PHACTR2: variants seen among roughly 807,000 people sequenced by gnomAD.
PHACTR2 encodes phosphatase and actin regulator 2.
Under a neutral mutation model 76.0 loss-of-function variants are expected in PHACTR2, and 30 were observed. That is an observed-to-expected ratio of 0.39 (90% CI 0.30 to 0.54). The LOEUF is 0.54. PHACTR2 is among the 20% of genes least tolerant of loss of function. The pLI is 0.61. For synonymous variants in PHACTR2, 292 were observed against 292.5 expected, an observed-to-expected ratio of 1.00 and a Z score of 0.02; for missense variants, 696 against 781.1, an observed-to-expected ratio of 0.89 and a Z score of 1.30.
In PHACTR2 at chr6:143,739,328, G is replaced by A. The variant is rs146501247; in HGVS notation, c.215-9657G>A. The stretch of plus-strand genomic sequence containing the variant: ...TCCACCAGCCTCGGCATCCCAAAGT[G>A]CTGGGATTACAGGTGTGAGCCACCG... On this transcript the variant is annotated intron_variant, in intron 2 of 12. Coordinates refer to ENST00000440869, the MANE Select transcript of PHACTR2 (RefSeq NM_001100164.2). The surrounding 1 kb of genome is among the most constrained non-coding windows in gnomAD (Gnocchi z 4.3). Among the ~76,000 whole-genome samples, 2 of 152,310 alleles carry A rather than the reference G, an allele frequency of 1.3e-5. No homozygotes were observed. The highest frequency in any genetic ancestry group is 4.8e-5 in the African/African-American group (2 of 41,562).
intron 2 of PHACTR2, among the ~76,000 whole-genome samples, chr6:143,734,683 G>A (rs755056998): frequency 3.3e-5 from 5 of 152,156 alleles, no homozygotes; most frequent in Non-Finnish European, 5.9e-5. Context: ...GGGGGATGTG[G>A]AGAAAAGGAG....
chr6:143,544,321 C>T (rs976762922), intron 1 of PHACTR2, among the ~76,000 whole-genome samples: 2 of 151,888 alleles, frequency 1.3e-5, no homozygotes, highest in African/African-American at 4.8e-5. Flanking sequence ...GTTAGGCTTT[C>T]CTCTTGTTAA....
At position 143,700,236 on chromosome 6, in the gene PHACTR2, C is replaced by T. The variant is rs995128310; in HGVS notation, c.47-11780C>T. Among the ~76,000 whole-genome samples the T allele has an allele frequency of 6.6e-6, 1 of 152,044 alleles. No individual in the cohort carries two copies. The highest frequency in any genetic ancestry group is 1.5e-5 in the Non-Finnish European group (1 of 68,008). On this transcript the variant is annotated intron_variant, in intron 1 of 12. Transcript: ENST00000440869. The surrounding 1 kb of genome is among the most constrained non-coding windows in gnomAD (Gnocchi z 4.1). ...AATTTTTTCATAATTTTGTCTGAAACAAAATTTAGCCCCTTACTTAAAAAC... is the reference window on the plus strand; with the variant it reads ...AATTTTTTCATAATTTTGTCTGAAATAAAATTTAGCCCCTTACTTAAAAAC...
chr6:143,751,947 G>T lies in PHACTR2; in HGVS notation c.296-1807G>T, dbSNP rs1779191873. On this transcript the variant is annotated intron_variant, in intron 3 of 12. Coordinates refer to ENST00000440869, the MANE Select transcript of PHACTR2 (RefSeq NM_001100164.2). This position sits in a 1 kb window ranked among gnomAD's most constrained non-coding sequence, Gnocchi z 5.7. ...TTTACTTCCCCTCTGTTTTGTTCTT[G>T]AATTCCATATTTATCACAAATGTGT... 6.6e-6 allele frequency among the ~76,000 whole-genome samples: 1 copy of T among 151,894 alleles called. No individual in the cohort carries two copies. The highest frequency in any genetic ancestry group is 1.5e-5 in the Non-Finnish European group (1 of 67,956).
rs771978305 is a variant in PHACTR2 at position 143,580,508 on chromosome 6, CAAAA to C, written c.217+43304_217+43307del. 1.3e-5 allele frequency among the ~76,000 whole-genome samples: 1 copy of C among 74,552 alleles called. No homozygotes were observed. The highest frequency in any genetic ancestry group is 2.7e-5 in the Non-Finnish European group (1 of 36,472). The allele number at this position is 74,552 out of a possible 152,430, so 48.9% of individuals were successfully genotyped here. A position where few individuals can be genotyped will look rare whatever the true frequency, so the allele number is the denominator to read the frequency against. On this transcript the variant is annotated intron_variant, in intron 1 of 11. Transcript: ENST00000367584. The surrounding 1 kb of genome is among the most constrained non-coding windows in gnomAD (Gnocchi z 4.2). The stretch of plus-strand genomic sequence containing the variant: ...TCAAACAAAACAAAACAAAACAAAA[CAAAA>C]AATACAAACAATTAGCTGGGCGTGG...
In PHACTR2 at chr6:143,568,797, T is replaced by G. The variant is rs148741224; in HGVS notation, c.217+31590T>G. Among the ~76,000 whole-genome samples the G allele has an allele frequency of 7.9e-3, 1,199 of 152,334 alleles. 20 individuals carry two copies. The highest frequency in any genetic ancestry group is 0.027 in the African/African-American group (1,140 of 41,572). On this transcript the variant is annotated intron_variant, in intron 1 of 11. Transcript: ENST00000367584. ...CTGTAGGAGTATGATAGATCTATGT[T>G]GACCTGAATGAAGGTATGAGCAGAG...
intron 11 of PHACTR2, among the ~76,000 whole-genome samples, chr6:143,796,835 T>C (rs1175483317): frequency 6.6e-6 from 1 of 152,196 alleles, no homozygotes; most frequent in Non-Finnish European, 1.5e-5. Context: ...GTTGGTTCCA[T>C]GTCTTTGCTA....
rs1399467362 is a variant in PHACTR2, at chr6:143,695,403, C to G, written c.47-16613C>G. Among the ~76,000 whole-genome samples the G allele has an allele frequency of 6.6e-6, 1 of 152,214 alleles. No homozygotes were observed. The highest frequency in any genetic ancestry group is 1.5e-5 in the Non-Finnish European group (1 of 68,040). On this transcript the variant is annotated intron_variant, in intron 1 of 12. Coordinates refer to ENST00000440869, the MANE Select transcript of PHACTR2 (RefSeq NM_001100164.2). The surrounding 1 kb of genome is among the most constrained non-coding windows in gnomAD (Gnocchi z 4.4). ...TATTGGTGTTCTTCCAAGTTGAGAA[C>G]AGAACACTTGGATCCAAGACCCTAT...
Position 143,827,399 on chromosome 6 carries a change from A to G in PHACTR2, c.*3710A>G, listed in dbSNP as rs1776569973. The G allele has an allele frequency of 6.6e-6, 1 of 151,784 alleles. No individual in the cohort carries two copies. The highest frequency in any genetic ancestry group is 2.4e-5 in the African/African-American group (1 of 41,356). The allele number at this position is 151,784 out of a possible 1,614,324, so 9.4% of individuals were successfully genotyped here. ...GTCTACCACAGAGGAGTATGTCCAC[A>G]CTTAATAATGAAAACTTTCTTCCTT... On this transcript the variant is annotated 3_prime_UTR_variant, in exon 13 of 13. Transcript: ENST00000440869.
At chr6:143,812,337 G>GA (rs1776194765) in intron 12 of PHACTR2, among the ~76,000 whole-genome samples, 1 of 152,144 alleles carries the variant, frequency 6.6e-6, no homozygotes, top group South Asian at 2.1e-4. Flanking sequence ...ACATTTAAAA[G>GA]AAAAAATAAA....
intron 1 of PHACTR2, among the ~76,000 whole-genome samples, chr6:143,665,101 G>A (rs1156415495): frequency 1.3e-5 from 2 of 151,970 alleles, no homozygotes; most frequent in Non-Finnish European, 2.9e-5. Flanking sequence ...ACCCAGCCTG[G>A]GTTCATTTTC....
In PHACTR2 at chr6:143,589,360, C is replaced by T. The variant is rs1468376130; in HGVS notation, c.217+52153C>T. Among the ~76,000 whole-genome samples the T allele has an allele frequency of 6.6e-6, 1 of 152,158 alleles. No individual in the cohort carries two copies. Among genetic ancestry groups the T allele is most frequent in the Non-Finnish European group, 1.5e-5 (1 of 68,022 alleles). On this transcript the variant is annotated intron_variant, in intron 1 of 11. Transcript: ENST00000367584. The surrounding 1 kb of genome is among the most constrained non-coding windows in gnomAD (Gnocchi z 4.4). ...GTTTAAAAGTGTGGGGCACCTCACC[C>T]TTTGCTCTCTTCCTCCTGCTCCAGC...
At chr6:143,666,011 A>G (rs1582750018) in intron 1 of PHACTR2, among the ~76,000 whole-genome samples, 1 of 151,938 alleles carries the variant, frequency 6.6e-6, no homozygotes, top group African/African-American at 2.4e-5. Flanking sequence ...TCCTAATGCT[A>G]TCCCTCCCCT....
At chr6:143,574,866 G>T (rs1165191677) in intron 1 of PHACTR2, among the ~76,000 whole-genome samples, 3 of 152,066 alleles carry the variant, frequency 2.0e-5, no homozygotes, top group Non-Finnish European at 4.4e-5. Context: ...AAGGCGTGGT[G>T]TAAAACAGCA....
rs1241737155 is a variant in PHACTR2, at chr6:143,539,215, G to T, written c.217+2008G>T. Among the ~76,000 whole-genome samples, 2 of 152,230 alleles carry T rather than the reference G, an allele frequency of 1.3e-5. No homozygotes were observed. Among genetic ancestry groups the T allele is most frequent in the Non-Finnish European group, 2.9e-5 (2 of 68,040 alleles). On this transcript the variant is annotated intron_variant, in intron 1 of 11. Coordinates refer to the PHACTR2 transcript ENST00000367584. This position sits in a 1 kb window ranked among gnomAD's most constrained non-coding sequence, Gnocchi z 4.3. ...ATTATTTTACTTCTGAGGACTCTTT[G>T]TCTTTTCTGTGTCCTCTTAACGGAT...
At chr6:143,638,617 T>A (rs1776510649) in intron 1 of PHACTR2, among the ~76,000 whole-genome samples, 1 of 151,262 alleles carries the variant, frequency 6.6e-6, no homozygotes. Flanking sequence ...ATCCAAGTTT[T>A]GAGCTAATTT....
At position 143,791,907 on chromosome 6, in the gene PHACTR2, A is replaced by T. The variant is rs1775699830; in HGVS notation, c.1845+2997A>T. Among the ~76,000 whole-genome samples the T allele has an allele frequency of 6.6e-6, 1 of 152,160 alleles. No homozygotes were observed. Among genetic ancestry groups the T allele is most frequent in the Admixed American group, 6.5e-5 (1 of 15,280 alleles). On this transcript the variant is annotated intron_variant, in intron 11 of 12. Coordinates refer to ENST00000440869, the MANE Select transcript of PHACTR2 (RefSeq NM_001100164.2). The surrounding 1 kb of genome is among the most constrained non-coding windows in gnomAD (Gnocchi z 4.7). ...AGCAAACCTCTGTGATGTTTAGCTG[A>T]TGGCTTCAAATTTTCAGGGTACATT...
At position 143,678,155 on chromosome 6, in the gene PHACTR2, A is replaced by G. The variant is rs549144839; in HGVS notation, c.-9A>G. 3 of 1,544,166 alleles carry G rather than the reference A, an allele frequency of 1.9e-6. No homozygotes were observed. The African/African-American group carries it at 4.2e-5, about 21-fold the overall frequency. On this transcript the variant is annotated 5_prime_UTR_variant, in exon 1 of 13. Coordinates refer to ENST00000440869, the MANE Select transcript of PHACTR2 (RefSeq NM_001100164.2). This position sits in a 1 kb window ranked among gnomAD's most constrained non-coding sequence, Gnocchi z 6.2. Reference sequence around the variant, plus strand: ...CTTGATCGCTGGACCTGGCCCTGCGACCCCAGTCATGGGCCAGACCTCGGT... The same window carrying G: ...CTTGATCGCTGGACCTGGCCCTGCGGCCCCAGTCATGGGCCAGACCTCGGT...
At chr6:143,579,750 A>G (rs931334111) in intron 1 of PHACTR2, among the ~76,000 whole-genome samples, 1 of 146,094 alleles carries the variant, frequency 6.8e-6, no homozygotes, top group African/African-American at 2.5e-5. Context: ...TTCATTATCT[A>G]TTGCTGTATG....
Sources: gnomAD v4.1 joint callset for allele counts (sites outside exome capture counted in the v4.1 genomes callset) on GRCh38, gnomAD v4.1.1 for gene constraint, Gnocchi (gnomAD v3.1) non-coding constraint, MANE v1.5 for transcripts, NCBI Gene and HGNC (gene_info 2026-07-23, HGNC 2026-07-21) for gene names.